Variants in ART4 observed in about 807,000 individuals in gnomAD.
ART4 encodes the protein ecto-ADP-ribosyltransferase 4.
A neutral mutation model predicts 24.2 loss-of-function variants in ART4; 14 were observed. The ratio of observed to expected loss-of-function variants is 0.58; its 90% CI spans 0.38 to 0.90. The LOEUF is 0.90. Ranked by LOEUF, ART4 falls within the 40% of genes least tolerant of loss-of-function variation. The pLI is 0.00. For missense variants in ART4, 356 were observed against 366.6 expected, an observed-to-expected ratio of 0.97 and a Z score of 0.24; for synonymous variants, 145 against 139.9, an observed-to-expected ratio of 1.04 and a Z score of -0.26.
intron 2 of ART4, among the ~76,000 whole-genome samples, chr12:14,836,950 A>C (rs545907018): frequency 1.4e-4 from 21 of 152,256 alleles, no homozygotes; most frequent in African/African-American, 5.1e-4. Context: ...GGCATATCTG[A>C]ATCACCAAGA....
chr12:14,829,956 A>G (rs909749164), intron 2 of ART4, among the ~76,000 whole-genome samples: 3 of 152,202 alleles, frequency 2.0e-5, no homozygotes, highest in African/African-American at 7.2e-5. Context: ...AAAACTTGCC[A>G]GTGTCACACA....
chr12:14,841,950 C>T (rs1008698422), intron 1 of ART4, among the ~76,000 whole-genome samples: 1 of 152,194 alleles, frequency 6.6e-6, no homozygotes, highest in African/African-American at 2.4e-5. Context: ...CCCATGTTAC[C>T]AGTCAAGTAC....
intron 2 of ART4, among the ~76,000 whole-genome samples, chr12:14,839,841 C>T (rs1017866074): frequency 6.6e-6 from 1 of 152,148 alleles, no homozygotes; most frequent in Non-Finnish European, 1.5e-5. Flanking sequence ...ATTATGAAGC[C>T]TTCCTCACTT....
In ART4 at chr12:14,840,581, G is replaced by T; in HGVS notation, c.717C>A (p.Phe239Leu). The part of the protein sequence containing the change: ...FTCLGAPVQY[F>L]SLKKEVLIPP... ...GGATCAAGACTTCCTTCTTGAGGGAGAAGTACTGTACAGGTGCACCCAGGC... is the reference window on the plus strand; with the variant it reads ...GGATCAAGACTTCCTTCTTGAGGGATAAGTACTGTACAGGTGCACCCAGGC... Residue 239 changes from phenylalanine to leucine, a missense_variant, in exon 2 of 3, where the codon TTC becomes TTA. Coordinates refer to ENST00000228936, the MANE Select transcript of ART4 (RefSeq NM_021071.4). The T allele has an allele frequency of 6.2e-7, 1 of 1,614,192 alleles. No individual in the cohort carries two copies. The highest frequency in any genetic ancestry group is 8.5e-7 in the Non-Finnish European group (1 of 1,180,016).
chr12:14,840,305 C>T, intron 2 of ART4, 140 bp downstream of exon 2: 2 of 669,492 alleles, frequency 3.0e-6, no homozygotes, highest in Non-Finnish European at 4.9e-6. Flanking sequence ...TGGATTTTCT[C>T]TAATCTATCA....
rs534733921 is a variant in ART4, at chr12:14,832,409, C to T, written c.854-2947G>A. On this transcript the variant is annotated intron_variant, in intron 2 of 2. Transcript: ENST00000228936. Reference sequence around the variant, plus strand: ...TCAACCTTGGCTCAAATGTCACCCTCTCAGTGAAGTTTCCCCTGATCACCC... The same window carrying T: ...TCAACCTTGGCTCAAATGTCACCCTTTCAGTGAAGTTTCCCCTGATCACCC... Among the ~76,000 whole-genome samples the T allele has an allele frequency of 1.4e-4, 22 of 152,296 alleles. No individual in the cohort carries two copies. In the South Asian group the frequency reaches 4.6e-3, roughly 32 times the overall value.
chr12:14,833,689 CT>C (rs1302815249), intron 2 of ART4, among the ~76,000 whole-genome samples: 1 of 152,132 alleles, frequency 6.6e-6, no homozygotes, highest in Non-Finnish European at 1.5e-5. Flanking sequence ...ATGATTATAA[CT>C]TTTATTTCAT....
At chr12:14,829,653 C>A (rs1278907844) in intron 2 of ART4, among the ~76,000 whole-genome samples, 191 bp from the exon 3 acceptor site, 1 of 152,100 alleles carries the variant, frequency 6.6e-6, no homozygotes. Flanking sequence ...GAAACAGACA[C>A]CAAGAGGTTA....
At position 14,840,716 on chromosome 12, in the gene ART4, A is replaced by G. The variant is rs762944162; in HGVS notation, c.582T>C (p.Phe194=). Residue 194 remains phenylalanine (F), a synonymous_variant, in exon 2 of 3, where the codon TTT becomes TTC. Coordinates refer to ENST00000228936, the MANE Select transcript of ART4 (RefSeq NM_021071.4). ...EVHYRTKDVH[F]NAYTGATIRF... ...GAATGGTGGCCCCTGTGTAGGCATT[A>G]AAGTGGACATCCTTCGTCCTATAAT... is the stretch of plus-strand genomic sequence containing the variant. 3.7e-6 allele frequency: 6 copies of G among 1,614,060 alleles called. No individual in the cohort carries two copies. The African/African-American group carries it at 8.0e-5, about 22-fold the overall frequency.
chr12:14,835,189 C>A (rs1270451262), intron 2 of ART4, among the ~76,000 whole-genome samples: 4 of 152,142 alleles, frequency 2.6e-5, no homozygotes, highest in Non-Finnish European at 5.9e-5. Flanking sequence ...TGAAACAAAA[C>A]GAAGCTGAAA....
chr12:14,837,899 A>G (rs1270231041), intron 2 of ART4, among the ~76,000 whole-genome samples: 1 of 152,210 alleles, frequency 6.6e-6, no homozygotes, highest in Admixed American at 6.5e-5. Flanking sequence ...AAAAGAGTTT[A>G]AGCAACTTGA....
At chr12:14,831,426 AT>A (rs11369265) in intron 2 of ART4, among the ~76,000 whole-genome samples, 144 of 148,178 alleles carry the variant, frequency 9.7e-4, no homozygotes, top group South Asian at 4.4e-3. Flanking sequence ...ATGCCTGGCT[AT>A]TTTTTTTTTG....
intron 2 of ART4, among the ~76,000 whole-genome samples, chr12:14,832,871 C>G (rs1950405696): frequency 6.6e-6 from 1 of 151,974 alleles, no homozygotes; most frequent in Non-Finnish European, 1.5e-5. Flanking sequence ...TTTTCTCTAC[C>G]TCTTTTATGG....
rs1480946598 is a variant in ART4, at chr12:14,826,081, G to C, written c.*3290C>G. 1 of 152,106 alleles carries C rather than the reference G, an allele frequency of 6.6e-6. No homozygotes were observed. The highest frequency in any genetic ancestry group is 1.5e-5 in the Non-Finnish European group (1 of 68,014). 9.4% of individuals were successfully genotyped at this position (152,106 alleles called of 1,614,324 possible). On this transcript the variant is annotated 3_prime_UTR_variant, in exon 3 of 3. Coordinates refer to ENST00000228936, the MANE Select transcript of ART4 (RefSeq NM_021071.4). ...GCCTTATCTTTGGAAGATATCCCAG[G>C]CTAACAAATTTATCCCAGCAGAAAT...
intron 1 of ART4, among the ~76,000 whole-genome samples, chr12:14,841,896 A>G (rs993718663): frequency 4.6e-5 from 7 of 152,200 alleles, no homozygotes; most frequent in Non-Finnish European, 1.0e-4. Flanking sequence ...AACTCCCAGG[A>G]GGATGAAGAG....
Position 14,843,048 on chromosome 12 carries a change from C to G in ART4, c.66G>C (p.Met22Ile), listed in dbSNP as rs1259219754. 4 of 1,614,168 alleles carry G rather than the reference C, an allele frequency of 2.5e-6. No homozygotes were observed. The Admixed American group carries it at 6.7e-5, about 27-fold the overall frequency. Residue 22 changes from methionine (M) to isoleucine (I), a missense_variant, in exon 1 of 3, where the codon ATG becomes ATC. By Grantham distance (10) the Met-to-Ile change is conservative. Coordinates refer to ENST00000228936, the MANE Select transcript of ART4 (RefSeq NM_021071.4). ...GCAGGCCTCCAAGGAGCCAGATTCTCATCGTTGCAGGAGGTACAGTAGTTG... is the reference window on the plus strand; with the variant it reads ...GCAGGCCTCCAAGGAGCCAGATTCTGATCGTTGCAGGAGGTACAGTAGTTG... ...LLPTTVPPATMRIWLLGGLLP... is the reference protein window; with the variant it reads ...LLPTTVPPATIRIWLLGGLLP...
rs1950376901 is a variant in ART4 at position 14,829,177 on chromosome 12, C to T, written c.*194G>A. On this transcript the variant is annotated 3_prime_UTR_variant, in exon 3 of 3. Coordinates refer to ENST00000228936, the MANE Select transcript of ART4 (RefSeq NM_021071.4). ...TTTCCCCAAGAGTACTTAGGGTGCC[C>T]AGATTGAAATAAGGCAAAGGGGTAC... The T allele has an allele frequency of 9.8e-6, 4 of 409,594 alleles. No homozygotes were observed. Among genetic ancestry groups the T allele is most frequent in the Non-Finnish European group, 1.7e-5 (4 of 235,996 alleles). 25.4% of individuals were successfully genotyped at this position (409,594 alleles called of 1,614,324 possible).
chr12:14,833,604 A>G (rs1254220589), intron 2 of ART4, among the ~76,000 whole-genome samples: 3 of 152,216 alleles, frequency 2.0e-5, no homozygotes, highest in African/African-American at 7.2e-5. Flanking sequence ...CCAAACAAAT[A>G]TCATTTTATC....
intron 1 of ART4, 102 bp from the exon 2 acceptor site, chr12:14,841,255 C>A: frequency 9.6e-7 from 1 of 1,038,770 alleles, no homozygotes; most frequent in Non-Finnish European, 1.4e-6. Context: ...TCCTGGAAAC[C>A]AATATTTACT....
Sources: gnomAD v4.1 joint callset for allele counts (sites outside exome capture counted in the v4.1 genomes callset) on GRCh38, gnomAD v4.1.1 for gene constraint, MANE v1.5 for transcripts, NCBI Gene and HGNC (gene_info 2026-07-23, HGNC 2026-07-21) for gene names.